The following LRRK1 variants were observed in gnomAD, a reference collection of about 807,000 sequenced individuals.
LRRK1 encodes the protein leucine-rich repeat serine/threonine-protein kinase 1.
LRRK1 carries 113 observed loss-of-function variants against 209.1 expected under a neutral mutation model. The ratio of observed to expected loss-of-function variants is 0.54; its 90% CI spans 0.46 to 0.63. LRRK1 has a LOEUF of 0.63. LRRK1 is among the 30% of genes least tolerant of loss of function. The probability of loss-of-function intolerance (pLI) is 0.00; values close to 1 mark genes in which losing one functional copy is unlikely to be tolerated. For synonymous variants in LRRK1, 1,144 were observed against 1,099.7 expected (o/e 1.04, Z -0.80); for missense variants, 2,284 against 2,632.2 (o/e 0.87, Z 2.89).
chr15:100,941,288 G>GTGTCTGTGTC (rs1555458897), intron 2 of LRRK1, among the ~76,000 whole-genome samples: 29 of 90,120 alleles, frequency 3.2e-4, no homozygotes, highest in Admixed American at 5.5e-4. Flanking sequence ...CCGTGTGTGT[G>GTGTCTGTGTC]TCTGTGTGTG....
chr15:100,999,438 CTTGTCT>C, intron 6 of LRRK1, among the ~76,000 whole-genome samples: 1 of 152,326 alleles, frequency 6.6e-6, no homozygotes, highest in African/African-American at 2.4e-5. Flanking sequence ...CTGTCACGCC[CTTGTCT>C]TTGTTCAGAC....
intron 19 of LRRK1, among the ~76,000 whole-genome samples, chr15:101,028,735 C>T (rs1596296388): frequency 6.6e-6 from 1 of 152,274 alleles, no homozygotes; most frequent in East Asian, 1.9e-4. Context: ...GTGTAGTTAC[C>T]CAGGCGGCCA....
intron 3 of LRRK1, among the ~76,000 whole-genome samples, chr15:100,982,496 A>G (rs1231700912): frequency 1.3e-5 from 2 of 152,182 alleles, no homozygotes; most frequent in Non-Finnish European, 2.9e-5. Context: ...CCTTGTTCAT[A>G]TATTAACACA....
intron 2 of LRRK1, among the ~76,000 whole-genome samples, chr15:100,944,803 T>C (rs1164567549): frequency 6.6e-6 from 1 of 152,230 alleles, no homozygotes; most frequent in Non-Finnish European, 1.5e-5. Context: ...ACTTTAGTTG[T>C]TTGAAAATGT....
chr15:101,032,324 C>T (rs1329296129), intron 20 of LRRK1, among the ~76,000 whole-genome samples: 1 of 151,906 alleles, frequency 6.6e-6, no homozygotes, highest in African/African-American at 2.4e-5. Flanking sequence ...GGTACATGTG[C>T]ACAACGTGCA....
chr15:100,987,445 G>T (rs756275317), intron 4 of LRRK1, among the ~76,000 whole-genome samples: 1 of 152,110 alleles, frequency 6.6e-6, no homozygotes, highest in Non-Finnish European at 1.5e-5. Flanking sequence ...CACTGCCCCC[G>T]TCAATTCAAT....
At chr15:101,048,335 C>A (rs943788284) in intron 21 of LRRK1, among the ~76,000 whole-genome samples, 159 bp from the exon 22 acceptor site, 1 of 152,134 alleles carries the variant, frequency 6.6e-6, no homozygotes, top group East Asian at 1.9e-4. Flanking sequence ...GCTAATGTAA[C>A]GTTCAATTTG....
intron 30 of LRRK1, among the ~76,000 whole-genome samples, chr15:101,061,930 C>T (rs931761026): frequency 3.3e-5 from 5 of 152,214 alleles, no homozygotes; most frequent in Admixed American, 3.3e-4. Context: ...ATCGGTTGAA[C>T]CCAGGAGGTG....
chr15:100,960,139 C>T (rs1486746469), intron 2 of LRRK1, among the ~76,000 whole-genome samples: 1 of 152,066 alleles, frequency 6.6e-6, no homozygotes. Flanking sequence ...TAAGAAAAAC[C>T]AGAGTTATCG....
At chr15:100,990,623 C>T (rs1206715984) in intron 6 of LRRK1, among the ~76,000 whole-genome samples, 4 of 151,754 alleles carry the variant, frequency 2.6e-5, no homozygotes, top group African/African-American at 9.7e-5. Flanking sequence ...TTCATATGTT[C>T]ATGAACTATT....
At chr15:100,920,935 C>T (rs916602839) in intron 1 of LRRK1, among the ~76,000 whole-genome samples, 1 of 152,154 alleles carries the variant, frequency 6.6e-6, no homozygotes, top group Non-Finnish European at 1.5e-5. Context: ...ACTGGCTGAG[C>T]TTGCTGTCCA....
Position 100,951,069 on chromosome 15 carries a change from C to G in LRRK1, c.98-22735C>G, listed in dbSNP as rs139705820. On this transcript the variant is annotated intron_variant, in intron 2 of 33. Transcript: ENST00000388948. ...AGGGAGCAGAGGTTGCGCCACCGCACTCCAGCCTGGGCTACAGAGTGAGAC... is the reference window on the plus strand; with the variant it reads ...AGGGAGCAGAGGTTGCGCCACCGCAGTCCAGCCTGGGCTACAGAGTGAGAC... Among the ~76,000 whole-genome samples the G allele has an allele frequency of 4.1e-3, 617 of 152,334 alleles. 8 individuals carry two copies. Among genetic ancestry groups the G allele is most frequent in the African/African-American group, 0.014 (587 of 41,582 alleles).
intron 4 of LRRK1, among the ~76,000 whole-genome samples, chr15:100,988,333 G>T (rs1158909601): frequency 1.3e-5 from 2 of 151,938 alleles, no homozygotes; most frequent in East Asian, 1.9e-4. Flanking sequence ...AGTGTCTATT[G>T]TTCCCTTCTT....
At chr15:101,047,208 T>A (rs905398096) in intron 21 of LRRK1, among the ~76,000 whole-genome samples, 1 of 152,224 alleles carries the variant, frequency 6.6e-6, no homozygotes, top group African/African-American at 2.4e-5. Context: ...TCTATAAAAA[T>A]GTTCTTTGAT....
In LRRK1 at chr15:101,027,749, G is replaced by T; in HGVS notation, c.2638G>T (p.Glu880Ter). 8 of 1,606,158 alleles carry T rather than the reference G, an allele frequency of 5.0e-6. No individual in the cohort carries two copies. The highest frequency in any genetic ancestry group is 5.9e-6 in the Non-Finnish European group (7 of 1,176,686). ...LTDRQLEQLV[E>*]QTPDNDIKDY... ...GGACAGGCAGCTGGAGCAGCTGGTG[G>T]AGCAGACGCCCGACAACGACATCAA... is the stretch of plus-strand genomic sequence containing the variant. The change falls in exon 19 of 34, where the codon GAG becomes TAG. Residue 880 changes from glutamate to a stop codon, truncating the protein, a stop_gained. Coordinates refer to ENST00000388948, the MANE Select transcript of LRRK1 (RefSeq NM_024652.6). LOFTEE classifies it high-confidence loss of function. The surrounding 1 kb of genome is among the most constrained non-coding windows in gnomAD (Gnocchi z 5.1).
At chr15:101,050,382 G>T (rs1210840762) in intron 23 of LRRK1, among the ~76,000 whole-genome samples, 3 of 152,162 alleles carry the variant, frequency 2.0e-5, no homozygotes, top group Non-Finnish European at 4.4e-5. Context: ...TGCTCCTGGG[G>T]TGGAGACGAC....
chr15:100,996,454 G>C (rs2032417236), intron 6 of LRRK1, among the ~76,000 whole-genome samples: 2 of 152,176 alleles, frequency 1.3e-5, no homozygotes, highest in African/African-American at 4.8e-5. Flanking sequence ...ACCCTCTGAG[G>C]GTCATGAAGT....
In LRRK1 at chr15:101,052,928, C is replaced by CCTGGAGAACAGCAAG; in HGVS notation, c.3703_3717dup (p.Asn1235_Glu1239dup). 1.9e-6 allele frequency: 3 copies of CCTGGAGAACAGCAAG among 1,605,042 alleles called. No homozygotes were observed. The highest frequency in any genetic ancestry group is 3.3e-5 in the Admixed American group (2 of 59,848). On this transcript the variant is annotated inframe_insertion, in exon 25 of 34. Coordinates refer to ENST00000388948, the MANE Select transcript of LRRK1 (RefSeq NM_024652.6). ...TGCCGGGCGTGTGTGGCAGGCTCTT[C>CCTGGAGAACAGCAAG]CTGGAGAACAGCAAGCTGGAGCACA...
At position 100,991,016 on chromosome 15, in the gene LRRK1, G is replaced by A. The variant is rs184093962; in HGVS notation, c.762+1618G>A. Among the ~76,000 whole-genome samples, 15 of 152,240 alleles carry A rather than the reference G, an allele frequency of 9.9e-5. No individual in the cohort carries two copies. The East Asian group carries it at 2.9e-3, about 29-fold the overall frequency. On this transcript the variant is annotated intron_variant, in intron 6 of 33. Coordinates refer to ENST00000388948, the MANE Select transcript of LRRK1 (RefSeq NM_024652.6). ...ATTTATTTGTGTGTATTGTATGAGGGAAGTGGCAGAGGGTGGAGGTGGCTA... is the reference window on the plus strand; with the variant it reads ...ATTTATTTGTGTGTATTGTATGAGGAAAGTGGCAGAGGGTGGAGGTGGCTA...
Sources: allele counts gnomAD v4.1 joint callset (sites outside exome capture counted in the v4.1 genomes callset), GRCh38; gene constraint gnomAD v4.1.1; non-coding constraint Gnocchi (gnomAD v3.1); transcripts MANE v1.5; gene names NCBI Gene and HGNC (gene_info 2026-07-23, HGNC 2026-07-21).